The following ATP10D variants were observed in gnomAD, a reference collection of about 807,000 sequenced individuals.
ATP10D encodes ATPase phospholipid transporting 10D (putative).
ATP10D carries 89 observed loss-of-function variants against 144.8 expected under a neutral mutation model. The observed-to-expected ratio is 0.61, with a 90% CI of 0.52 to 0.73. The LOEUF (loss-of-function observed/expected upper bound fraction) is 0.73. Among genes scored for constraint, ATP10D ranks in the 30% least tolerant of loss-of-function variants. The pLI is 0.00. For missense variants in ATP10D, 1,603 were observed against 1,714.8 expected, an observed-to-expected ratio of 0.93 and a Z score of 1.15; for synonymous variants, 571 against 615.1, an observed-to-expected ratio of 0.93 and a Z score of 1.06.
At chr4:47,499,913 A>G (rs1715595355) in intron 1 of ATP10D, among the ~76,000 whole-genome samples, 2 of 152,070 alleles carry the variant, frequency 1.3e-5, no homozygotes, top group African/African-American at 2.4e-5. Context: ...GTTAGTGTCC[A>G]TTTTAGGACT....
intron 1 of ATP10D, among the ~76,000 whole-genome samples, chr4:47,495,236 C>G (rs4432727): frequency 0.98 from 149,845 of 152,278 alleles, 73,773 homozygotes; most frequent in East Asian, 1. Flanking sequence ...ATGTACGCAT[C>G]TTACCCATGG....
At chr4:47,581,889 GTAGA>G in intron 20 of ATP10D, 67 bp from the exon 21 acceptor site, 2 of 1,214,602 alleles carry the variant, frequency 1.6e-6, no homozygotes, top group East Asian at 2.3e-5. Flanking sequence ...TGGTTGAGCT[GTAGA>G]TAAAGTGATG....
At chr4:47,491,541 A>C in intron 1 of ATP10D, 1 of 462,228 alleles carries the variant, frequency 2.2e-6, no homozygotes, top group Non-Finnish European at 3.9e-6. Flanking sequence ...ATCATATCAC[A>C]GTCTTCTCAG....
chr4:47,541,915 T>C (rs1718153090), intron 9 of ATP10D, among the ~76,000 whole-genome samples: 1 of 152,254 alleles, frequency 6.6e-6, no homozygotes, highest in African/African-American at 2.4e-5. Flanking sequence ...GAATAGACTT[T>C]GTAAGTTTTT....
intron 1 of ATP10D, chr4:47,491,449 T>C: frequency 2.8e-6 from 2 of 705,264 alleles, no homozygotes; most frequent in South Asian, 2.8e-5. Context: ...CTCTTTCCCT[T>C]TGTGTTTGTC....
rs1247555474 is a variant in ATP10D, at chr4:47,587,068, T to A, written c.3803T>A (p.Leu1268Ter). 6.2e-7 allele frequency: 1 copy of A among 1,613,988 alleles called. No homozygotes were observed. Among genetic ancestry groups the A allele is most frequent in the Non-Finnish European group, 8.5e-7 (1 of 1,179,970 alleles). ...VIIGSILSYF[L>*]FAIVFGAMCV... is the part of the protein sequence containing the mutation. ...ATTGGTAGCATCTTGTCTTATTTTTTATTTGCCATAGTTTTTGGAGCCATG... is the reference window on the plus strand; with the variant it reads ...ATTGGTAGCATCTTGTCTTATTTTTAATTTGCCATAGTTTTTGGAGCCATG... The change falls in exon 22 of 23, where the codon TTA becomes TAA. Residue 1268 changes from leucine (L) to a stop codon, truncating the protein, a stop_gained. Transcript: ENST00000273859. LOFTEE classifies it high-confidence loss of function.
At chr4:47,495,188 G>T (rs189178704) in intron 1 of ATP10D, among the ~76,000 whole-genome samples, 1 of 152,086 alleles carries the variant, frequency 6.6e-6, no homozygotes, top group African/African-American at 2.4e-5. Context: ...TAAGTTAAAT[G>T]TAATTTCTGG....
Position 47,536,765 on chromosome 4 carries a change from A to T in ATP10D, c.1223A>T (p.Asp408Val), listed in dbSNP as rs1056790780. The T allele has an allele frequency of 3.1e-6, 5 of 1,613,230 alleles. No individual in the cohort carries two copies. The highest frequency in any genetic ancestry group is 4.2e-6 in the Non-Finnish European group (5 of 1,179,668). The change falls in exon 9 of 23, where the codon GAT becomes GTT. Residue 408 changes from aspartate (D) to valine (V), a missense_variant. Coordinates refer to ENST00000273859, the MANE Select transcript of ATP10D (RefSeq NM_020453.4). Reference protein sequence around the residue: ...GQIYFIQSDVDFYNEKMDSIV... With the variant: ...GQIYFIQSDVVFYNEKMDSIV... ...ATATATTTCATTCAAAGTGATGTGG[A>T]TTTCTACAATGAAAAAATGGATTCT... is the stretch of plus-strand genomic sequence containing the variant.
chr4:47,500,378 A>G (rs1715620958), intron 1 of ATP10D, among the ~76,000 whole-genome samples: 1 of 152,238 alleles, frequency 6.6e-6, no homozygotes, highest in African/African-American at 2.4e-5. Flanking sequence ...GAGCCTTTAG[A>G]GAGTTTTAAG....
chr4:47,565,006 T>G lies in ATP10D; in HGVS notation c.2853+1241T>G, dbSNP rs1030787180. Among the ~76,000 whole-genome samples, 3 of 152,392 alleles carry G rather than the reference T, an allele frequency of 2.0e-5. No individual in the cohort carries two copies. In the East Asian group the frequency reaches 5.8e-4, roughly 29 times the overall value. ...TTGTTTGTTTTGAGGCAGCCCAGGC[T>G]GGAGCGCTATGGCGCGATCTCGGCT... is the stretch of plus-strand genomic sequence containing the variant. On this transcript the variant is annotated intron_variant, in intron 15 of 22. Transcript: ENST00000273859.
At position 47,577,790 on chromosome 4, in the gene ATP10D, C is replaced by G. The variant is rs570595310; in HGVS notation, c.3567+817C>G. 7.1e-4 allele frequency among the ~76,000 whole-genome samples: 108 copies of G among 151,984 alleles called. 1 individual carries two copies. The highest frequency in any genetic ancestry group is 4.2e-3 in the South Asian group (20 of 4,794). ...GGTCCTTATAATCCTCTAATATCAT[C>G]CAATCCATTCAGACCAAGGAACTAC... On this transcript the variant is annotated intron_variant, in intron 19 of 22. Coordinates refer to ENST00000273859, the MANE Select transcript of ATP10D (RefSeq NM_020453.4).
chr4:47,535,772 A>T lies in ATP10D; in HGVS notation c.884-130A>T, dbSNP rs988612576. On this transcript the variant is annotated intron_variant, in intron 6 of 22. Coordinates refer to ENST00000273859, the MANE Select transcript of ATP10D (RefSeq NM_020453.4). ...GTTTTTCTAAATGGATCACAAAAGC[A>T]GATTGAACTGACAAAATAGATCATG... 15 of 1,330,528 alleles carry T rather than the reference A, an allele frequency of 1.1e-5. No homozygotes were observed. The Admixed American group carries it at 1.7e-4, about 15-fold the overall frequency. 82.4% of individuals were successfully genotyped at this position (1,330,528 alleles called of 1,614,324 possible).
At chr4:47,526,736 T>C (rs1250825225) in intron 5 of ATP10D, among the ~76,000 whole-genome samples, 1 of 152,154 alleles carries the variant, frequency 6.6e-6, no homozygotes. Context: ...TTAGCAGATA[T>C]TGAAATTTTT....
intron 10 of ATP10D, among the ~76,000 whole-genome samples, chr4:47,551,780 A>G (rs1240798084): frequency 2.0e-5 from 3 of 152,204 alleles, no homozygotes; most frequent in African/African-American, 7.2e-5. Flanking sequence ...CATCACTGAC[A>G]AGAGAGCAAA....
At chr4:47,499,080 C>T (rs1428663346) in intron 1 of ATP10D, among the ~76,000 whole-genome samples, 3 of 152,260 alleles carry the variant, frequency 2.0e-5, no homozygotes, top group African/African-American at 4.8e-5. Flanking sequence ...AGTCTTTTAA[C>T]GCTCTTACCA....
intron 5 of ATP10D, among the ~76,000 whole-genome samples, chr4:47,531,083 G>C: frequency 7.8e-6 from 1 of 128,974 alleles, no homozygotes; most frequent in Non-Finnish European, 1.7e-5. Flanking sequence ...ATGGGTATCA[G>C]CTATTTTTTT....
chr4:47,548,183 G>A (rs868474362), intron 10 of ATP10D, among the ~76,000 whole-genome samples: 1 of 152,052 alleles, frequency 6.6e-6, no homozygotes, highest in African/African-American at 2.4e-5. Flanking sequence ...CACCTTATTG[G>A]TTTCTTGATC....
In ATP10D at chr4:47,591,464, G is replaced by C; in HGVS notation, c.*83G>C. 1.6e-6 allele frequency: 2 copies of C among 1,233,372 alleles called. No homozygotes were observed. The highest frequency in any genetic ancestry group is 1.1e-6 in the Non-Finnish European group (1 of 889,288). 76.4% of individuals were successfully genotyped at this position (1,233,372 alleles called of 1,614,324 possible). ...GTATCTCTCCAAGCAAGAATGACTT[G>C]TTTTTCCATAAGGGACATGAGCATT... On this transcript the variant is annotated 3_prime_UTR_variant, in exon 23 of 23. Transcript: ENST00000273859.
intron 9 of ATP10D, among the ~76,000 whole-genome samples, chr4:47,540,880 T>C (rs1718100562): frequency 6.6e-6 from 1 of 152,202 alleles, no homozygotes; most frequent in Non-Finnish European, 1.5e-5. Flanking sequence ...TGAGTGGCAT[T>C]ATTCTGGGAT....
Sources: allele counts gnomAD v4.1 joint callset (sites outside exome capture counted in the v4.1 genomes callset), GRCh38; gene constraint gnomAD v4.1.1; transcripts MANE v1.5; gene names NCBI Gene and HGNC (gene_info 2026-07-23, HGNC 2026-07-21).